Variants in PACS1 observed in about 807,000 individuals in gnomAD.
PACS1 encodes the protein phosphofurin acidic cluster sorting protein 1, also known as PACS-1.
Under a neutral mutation model 115.0 loss-of-function variants are expected in PACS1, and 24 were observed. That is an observed-to-expected ratio of 0.21 (90% CI 0.15 to 0.29). The LOEUF is 0.29. Ranked by LOEUF, PACS1 falls within the 10% of genes least tolerant of loss-of-function variation. PACS1 has a pLI of 1.00. For missense variants in PACS1, 838 were observed against 1,251.2 expected (o/e 0.67, Z 4.98); for synonymous variants, 453 against 504.5 (o/e 0.90, Z 1.37).
intron 1 of PACS1, among the ~76,000 whole-genome samples, chr11:66,096,124 G>A (rs1485874181): frequency 6.6e-6 from 1 of 151,282 alleles, no homozygotes; most frequent in Non-Finnish European, 1.5e-5. Context: ...AGTAGAGACG[G>A]GGTTTTGCCA....
intron 1 of PACS1, chr11:66,100,737 G>C (rs938152776): frequency 4.4e-6 from 2 of 452,486 alleles, no homozygotes; most frequent in Admixed American, 4.7e-5. Context: ...ATCCAGGGGC[G>C]GAGGCTAGAA....
chr11:66,128,554 T>C (rs773141951), intron 1 of PACS1, among the ~76,000 whole-genome samples: 24 of 152,174 alleles, frequency 1.6e-4, no homozygotes, highest in Non-Finnish European at 2.9e-4. Context: ...ACTGTGTATA[T>C]GTTTGAAAAT....
chr11:66,210,391 G>C lies in PACS1; in HGVS notation c.474G>C (p.Glu158Asp). 6.2e-7 allele frequency: 1 copy of C among 1,614,084 alleles called. No individual in the cohort carries two copies. Among genetic ancestry groups the C allele is most frequent in the Non-Finnish European group, 8.5e-7 (1 of 1,179,960 alleles). ...QGSKRILRSN[E>D]IVLPASGLVE... ...CAAAAAGAATTCTTCGCTCCAACGA[G>C]ATCGTCCTTCCAGCTAGTGGACTGG... is the stretch of plus-strand genomic sequence containing the variant. The change falls in exon 3 of 24, where the codon GAG becomes GAC. Residue 158 changes from glutamate (E) to aspartate (D), a missense_variant. Physicochemically the swap from Glu to Asp is conservative, Grantham distance 45. Transcript: ENST00000320580.
chr11:66,113,713 G>A (rs1222053377), intron 1 of PACS1, among the ~76,000 whole-genome samples: 1 of 152,164 alleles, frequency 6.6e-6, no homozygotes, highest in African/African-American at 2.4e-5. Context: ...TGAACTGAAA[G>A]CTGTATAGAG....
Position 66,230,590 on chromosome 11 carries a change from C to T in PACS1, c.1417C>T (p.Leu473=), listed in dbSNP as rs752240688. 1.9e-6 allele frequency: 3 copies of T among 1,614,090 alleles called. No individual in the cohort carries two copies. The highest frequency in any genetic ancestry group is 4.5e-5 in the East Asian group (2 of 44,886). ...CATGTTTGGAGATGCCAGCACGAGT[C>T]TGGTTGTGCCGGAGAAAGTCAAAAC... ...QDMFGDASTS[L]VVPEKVKTPM... The change falls in exon 12 of 24, where the codon CTG becomes TTG. Residue 473 remains leucine, a synonymous_variant. Transcript: ENST00000320580.
chr11:66,076,318 G>A (rs964477858), intron 1 of PACS1, among the ~76,000 whole-genome samples: 14 of 152,222 alleles, frequency 9.2e-5, no homozygotes, highest in Non-Finnish European at 2.1e-4. Context: ...GTAGGTGCTG[G>A]AATGAGGGCG....
At chr11:66,238,917 G>T (rs1003350133) in intron 20 of PACS1, 71 bp downstream of exon 20, 1 of 1,476,370 alleles carries the variant, frequency 6.8e-7, no homozygotes, top group Admixed American at 2.0e-5. Flanking sequence ...AGTCCAGCAG[G>T]CCAGAAGTTA....
chr11:66,086,772 T>TGCCTG (rs2134507084), intron 1 of PACS1, among the ~76,000 whole-genome samples: 1 of 152,178 alleles, frequency 6.6e-6, no homozygotes, highest in East Asian at 1.9e-4. Context: ...CACACCACCA[T>TGCCTG]GCCTGGCCAG....
chr11:66,112,729 T>A (rs1445663734), intron 1 of PACS1, among the ~76,000 whole-genome samples: 2 of 152,186 alleles, frequency 1.3e-5, no homozygotes, highest in Non-Finnish European at 2.9e-5. Context: ...TGAGAGTACA[T>A]GGACAGTGCT....
chr11:66,211,257 G>A lies in PACS1; in HGVS notation c.658G>A (p.Glu220Lys). 1 of 1,613,470 alleles carries A rather than the reference G, an allele frequency of 6.2e-7. No homozygotes were observed. Among genetic ancestry groups the A allele is most frequent in the South Asian group, 1.1e-5 (1 of 91,058 alleles). ...GGCCGTGGGACTCATCAACATGGCA[G>A]AGGTGAGAGGAACACAGTCTCCAGA... is the stretch of plus-strand genomic sequence containing the variant. ...TLAVGLINMA[E>K]VMQHPNEGAL... The change falls in exon 4 of 24, where the codon GAG becomes AAG. Residue 220 changes from glutamate to lysine, a missense_variant and splice_region_variant. Around this residue, in one of 6 missense-constraint regions of PACS1, gnomAD observed 223 missense variants for 354.0 expected, o/e 0.63. Coordinates refer to ENST00000320580, the MANE Select transcript of PACS1 (RefSeq NM_018026.4).
intron 4 of PACS1, among the ~76,000 whole-genome samples, chr11:66,215,913 A>T (rs978322834): frequency 7.1e-6 from 1 of 140,118 alleles, no homozygotes; most frequent in Non-Finnish European, 1.5e-5. Context: ...AATAATAATA[A>T]TAATAATAAT....
chr11:66,230,135 TAAAAAAAAAAAAAA>T (rs11357711), intron 11 of PACS1, among the ~76,000 whole-genome samples: 3 of 96,920 alleles, frequency 3.1e-5, no homozygotes, highest in Admixed American at 2.3e-4. Flanking sequence ...GGAATGGGGC[TAAAAAAAAAAAAAA>T]AAAAGAAAAA....
chr11:66,082,331 C>T (rs540225520), intron 1 of PACS1, among the ~76,000 whole-genome samples: 1 of 152,166 alleles, frequency 6.6e-6, no homozygotes, highest in African/African-American at 2.4e-5. Flanking sequence ...CTCAAGTGAT[C>T]CTCTAACCTC....
At position 66,070,581 on chromosome 11, in the gene PACS1, C is replaced by G; in HGVS notation, c.95C>G (p.Pro32Arg). The part of the protein sequence containing the change: ...GSGVAQSPQQ[P>R]PPQQQQQQPP... The stretch of plus-strand genomic sequence containing the variant: ...GGGGTCGCCCAGTCCCCTCAGCAGC[C>G]GCCGCCGCAGCAGCAGCAGCAGCAG... The change falls in exon 1 of 24, where the codon CCG becomes CGG. Residue 32 changes from proline (P) to arginine (R), a missense_variant. This residue lies in a region of PACS1 where 129 missense variants were observed against 109.4 expected (regional missense o/e 1.18). Coordinates refer to ENST00000320580, the MANE Select transcript of PACS1 (RefSeq NM_018026.4). This position sits in a 1 kb window ranked among gnomAD's most constrained non-coding sequence, Gnocchi z 5.9. 6.7e-7 allele frequency: 1 copy of G among 1,493,672 alleles called. No individual in the cohort carries two copies. The highest frequency in any genetic ancestry group is 8.9e-7 in the Non-Finnish European group (1 of 1,128,840). The allele number at this position is 1,493,672 out of a possible 1,614,324, so 92.5% of individuals were successfully genotyped here.
At chr11:66,076,272 A>G (rs564731647) in intron 1 of PACS1, among the ~76,000 whole-genome samples, 6 of 152,318 alleles carry the variant, frequency 3.9e-5, no homozygotes, top group African/African-American at 1.2e-4. Flanking sequence ...TAGTTTTCCA[A>G]TTTCTTAGCT....
chr11:66,182,446 G>T (rs992179613), intron 1 of PACS1, among the ~76,000 whole-genome samples: 1 of 151,850 alleles, frequency 6.6e-6, no homozygotes, highest in African/African-American at 2.4e-5. Flanking sequence ...AAACATTTTC[G>T]GGAAGAAAAT....
intron 1 of PACS1, chr11:66,121,185 C>A: frequency 2.3e-6 from 1 of 427,600 alleles, no homozygotes; most frequent in South Asian, 1.6e-5. Context: ...TTACGGTGAT[C>A]AGTGGTCTTT....
intron 1 of PACS1, among the ~76,000 whole-genome samples, chr11:66,169,392 A>G (rs538189456): frequency 2.1e-5 from 3 of 146,030 alleles, no homozygotes; most frequent in Admixed American, 6.8e-5. Flanking sequence ...ATCTAAATCT[A>G]ACTGGTTCAT....
intron 1 of PACS1, among the ~76,000 whole-genome samples, chr11:66,089,834 G>A (rs924985599): frequency 4.0e-5 from 6 of 151,666 alleles, no homozygotes; most frequent in African/African-American, 9.7e-5. Flanking sequence ...GTGAAACCCC[G>A]TCTCTACTAA....
Sources: gnomAD v4.1 joint callset for allele counts (sites outside exome capture counted in the v4.1 genomes callset) on GRCh38, gnomAD v4.1.1 for gene constraint, gnomAD v4.1.1 regional missense constraint, Gnocchi (gnomAD v3.1) non-coding constraint, MANE v1.5 for transcripts, NCBI Gene and HGNC (gene_info 2026-07-23, HGNC 2026-07-21) for gene names.